The following CHN2 variants were observed in gnomAD, a reference collection of about 807,000 sequenced individuals.
CHN2 encodes the protein chimerin 2.
Under a neutral mutation model 56.3 loss-of-function variants are expected in CHN2, and 35 were observed. The ratio of observed to expected loss-of-function variants is 0.62; its 90% CI spans 0.47 to 0.82. The LOEUF (loss-of-function observed/expected upper bound fraction) is 0.82. Among genes scored for constraint, CHN2 ranks in the 40% least tolerant of loss-of-function variants. The pLI, the probability that CHN2 is intolerant of heterozygous loss-of-function variation, is 0.00. For synonymous variants in CHN2, 210 were observed against 212.8 expected (o/e 0.99, Z 0.12); for missense variants, 491 against 580.5 (o/e 0.85, Z 1.58).
intron 6 of CHN2, among the ~76,000 whole-genome samples, chr7:29,442,108 T>C (rs1405605398): frequency 6.6e-6 from 1 of 152,194 alleles, no homozygotes; most frequent in Non-Finnish European, 1.5e-5. Context: ...GTAAAAAGAA[T>C]GAAATTCCGA....
At chr7:29,202,560 A>C (rs1784240141) in intron 1 of CHN2, among the ~76,000 whole-genome samples, 1 of 152,228 alleles carries the variant, frequency 6.6e-6, no homozygotes, top group Admixed American at 6.5e-5. Flanking sequence ...AGAAACTATA[A>C]TAACCAAAAG....
intron 6 of CHN2, among the ~76,000 whole-genome samples, chr7:29,406,816 C>T (rs1802690151): frequency 6.6e-6 from 1 of 152,154 alleles, no homozygotes; most frequent in Non-Finnish European, 1.5e-5. Context: ...TCTGTGGTTT[C>T]TATGTCTGTC....
chr7:29,159,853 T>C (rs1031491757), intron 2 of CHN2, among the ~76,000 whole-genome samples: 1 of 152,174 alleles, frequency 6.6e-6, no homozygotes, highest in Non-Finnish European at 1.5e-5. Context: ...TCTCAACTAG[T>C]GTAATGCAAG....
At chr7:29,429,151 G>A (rs962357217) in intron 6 of CHN2, among the ~76,000 whole-genome samples, 1 of 152,144 alleles carries the variant, frequency 6.6e-6, no homozygotes, top group African/African-American at 2.4e-5. Context: ...CATATCACAA[G>A]TATCTTGTTT....
chr7:29,424,859 C>T (rs995012447), intron 6 of CHN2, among the ~76,000 whole-genome samples: 1 of 152,192 alleles, frequency 6.6e-6, no homozygotes, highest in Admixed American at 6.5e-5. Context: ...CTCCTTTACC[C>T]TCTGGCCCCT....
chr7:29,494,950 TAAAAAAAAAA>T (rs5883217), intron 7 of CHN2, among the ~76,000 whole-genome samples: 31 of 64,656 alleles, frequency 4.8e-4, no homozygotes, highest in Admixed American at 9.7e-4. Flanking sequence ...AAGCAGTTTG[TAAAAAAAAAA>T]AAAAAAAAAA....
chr7:29,460,504 G>A (rs1305121886), intron 6 of CHN2, among the ~76,000 whole-genome samples: 3 of 152,186 alleles, frequency 2.0e-5, no homozygotes, highest in Admixed American at 6.5e-5. Flanking sequence ...TGGTCTTTAT[G>A]TTCTGTGGCT....
chr7:29,480,419 A>T, intron 7 of CHN2, 63 bp downstream of exon 7: 1 of 1,506,492 alleles, frequency 6.6e-7, no homozygotes, highest in Non-Finnish European at 9.2e-7. Flanking sequence ...TACAGTGTAT[A>T]GTTTCCGTCT....
At position 29,387,272 on chromosome 7, in the gene CHN2, A is replaced by C. The variant is rs1164251426; in HGVS notation, c.145-6407A>C. Among the ~76,000 whole-genome samples the C allele has an allele frequency of 5.9e-5, 9 of 152,298 alleles. 1 individual carries two copies. In the South Asian group the frequency reaches 6.2e-4, roughly 11 times the overall value. Reference sequence around the variant, plus strand: ...TGAAACAGCCTTATTAAAATAGCTCATTTTTATAACCCCAGTTTTACTGAA... The same window carrying C: ...TGAAACAGCCTTATTAAAATAGCTCCTTTTTATAACCCCAGTTTTACTGAA... On this transcript the variant is annotated intron_variant, in intron 3 of 12. Coordinates refer to ENST00000222792, the MANE Select transcript of CHN2 (RefSeq NM_004067.4).
At chr7:29,415,608 A>G (rs930959321) in intron 6 of CHN2, among the ~76,000 whole-genome samples, 1 of 152,032 alleles carries the variant, frequency 6.6e-6, no homozygotes, top group African/African-American at 2.4e-5. Flanking sequence ...GGCTGCGAGG[A>G]GGGAGATGGC....
chr7:29,484,855 A>G (rs535483437), intron 7 of CHN2, among the ~76,000 whole-genome samples: 1 of 152,330 alleles, frequency 6.6e-6, no homozygotes, highest in East Asian at 1.9e-4. Flanking sequence ...GTTTCATTAA[A>G]GATTTTTATG....
At chr7:29,303,441 C>A (rs1414383565) in intron 1 of CHN2, among the ~76,000 whole-genome samples, 3 of 152,204 alleles carry the variant, frequency 2.0e-5, no homozygotes, top group African/African-American at 7.2e-5. Context: ...CCTCCCTGTC[C>A]TCCCCGCCTC....
intron 3 of CHN2, among the ~76,000 whole-genome samples, chr7:29,393,027 T>A (rs1423548340): frequency 1.3e-5 from 2 of 152,194 alleles, no homozygotes; most frequent in Non-Finnish European, 2.9e-5. Flanking sequence ...AAGCAGATGA[T>A]CATGTATGTG....
intron 1 of CHN2, among the ~76,000 whole-genome samples, chr7:29,342,732 ATCT>A: frequency 6.6e-6 from 1 of 152,278 alleles, no homozygotes; most frequent in Non-Finnish European, 1.5e-5. Context: ...GAGTAAAATA[ATCT>A]TCTCCCTCCA....
At chr7:29,508,708 T>C (rs1420143) in intron 11 of CHN2, among the ~76,000 whole-genome samples, 70,575 of 151,740 alleles carry the variant, frequency 0.47, 16,966 homozygotes, top group African/African-American at 0.58. Context: ...GCCAGAAGCA[T>C]GTACTCTTCC....
intron 1 of CHN2, among the ~76,000 whole-genome samples, chr7:29,293,125 C>A (rs368576154): frequency 6.6e-6 from 1 of 152,166 alleles, no homozygotes; most frequent in Admixed American, 6.5e-5. Context: ...TTGCAGCTAC[C>A]AATCTCAAGG....
chr7:29,457,178 A>G (rs1784828646), intron 6 of CHN2, among the ~76,000 whole-genome samples: 2 of 152,150 alleles, frequency 1.3e-5, no homozygotes, highest in Admixed American at 1.3e-4. Context: ...CCACCATCAG[A>G]GCAGGTCCTG....
chr7:29,240,140 C>T (rs1787537823), intron 1 of CHN2, among the ~76,000 whole-genome samples: 1 of 152,168 alleles, frequency 6.6e-6, no homozygotes, highest in Non-Finnish European at 1.5e-5. Context: ...AGGTATCCAC[C>T]TTGGGCTTCC....
intron 1 of CHN2, among the ~76,000 whole-genome samples, chr7:29,275,726 G>A (rs1419582426): frequency 6.6e-6 from 1 of 152,032 alleles, no homozygotes; most frequent in Non-Finnish European, 1.5e-5. Flanking sequence ...GGCCTCTCAG[G>A]GTCACTCAGG....
Sources: gnomAD v4.1 joint callset for allele counts (sites outside exome capture counted in the v4.1 genomes callset) on GRCh38, gnomAD v4.1.1 for gene constraint, MANE v1.5 for transcripts, NCBI Gene and HGNC (gene_info 2026-07-23, HGNC 2026-07-21) for gene names.